The following VPS41 variants were observed in gnomAD, a reference collection of about 807,000 sequenced individuals.
VPS41 encodes VPS41 subunit of HOPS complex.
Under a neutral mutation model 130.9 loss-of-function variants are expected in VPS41, and 85 were observed. The observed-to-expected ratio is 0.65, with a 90% CI of 0.55 to 0.78. The LOEUF (loss-of-function observed/expected upper bound fraction) is 0.78, where lower values mean the gene tolerates loss of function less well. Among genes scored for constraint, VPS41 ranks in the 30% least tolerant of loss-of-function variants. VPS41 has a pLI of 0.00. For synonymous variants in VPS41, 335 were observed against 332.9 expected (o/e 1.01, Z -0.07); for missense variants, 874 against 1,018.7 (o/e 0.86, Z 1.93).
chr7:38,740,953 T>C lies in VPS41; in HGVS notation c.2259+1032A>G, dbSNP rs538208038. Among the ~76,000 whole-genome samples the C allele has an allele frequency of 2.0e-5, 3 of 152,328 alleles. No individual in the cohort carries two copies. The East Asian group carries it at 5.8e-4, about 29-fold the overall frequency. ...CATGACTCCGCTTCAGAAACATTAA[T>C]GACATCACACTCTCTGGCACAACCT... On this transcript the variant is annotated intron_variant, in intron 25 of 28. Transcript: ENST00000310301.
intron 1 of VPS41, among the ~76,000 whole-genome samples, chr7:38,905,028 A>T (rs890913194): frequency 2.1e-4 from 32 of 152,212 alleles, no homozygotes; most frequent in African/African-American, 7.5e-4. Context: ...TTAATAACTT[A>T]AAAAAGGTGC....
chr7:38,771,809 A>G (rs1784158086), intron 13 of VPS41, among the ~76,000 whole-genome samples: 2 of 152,146 alleles, frequency 1.3e-5, no homozygotes, highest in Non-Finnish European at 1.5e-5. Context: ...TTTCTTTGAG[A>G]AACTACTGGA....
At chr7:38,871,927 C>A (rs1007415389) in intron 2 of VPS41, among the ~76,000 whole-genome samples, 3 of 152,126 alleles carry the variant, frequency 2.0e-5, no homozygotes, top group Admixed American at 6.5e-5. Context: ...TTCCAAGTAG[C>A]TAAGACTACA....
intron 24 of VPS41, 112 bp downstream of exon 24, chr7:38,743,290 G>A: frequency 1.7e-6 from 2 of 1,193,370 alleles, no homozygotes; most frequent in Middle Eastern, 2.2e-4. Flanking sequence ...TTTATTGTAG[G>A]TACGCTACCA....
At chr7:38,779,006 T>C (rs1784311235) in intron 10 of VPS41, among the ~76,000 whole-genome samples, 1 of 152,260 alleles carries the variant, frequency 6.6e-6, no homozygotes. Flanking sequence ...GAAAATTTCC[T>C]GTTCTCTAAT....
intron 2 of VPS41, among the ~76,000 whole-genome samples, chr7:38,887,465 G>A (rs1298031224): frequency 6.6e-6 from 1 of 152,148 alleles, no homozygotes. Context: ...AAAGCAAGAA[G>A]ACAAGATTAG....
At chr7:38,794,042 T>C (rs973394938) in intron 9 of VPS41, among the ~76,000 whole-genome samples, 1 of 152,216 alleles carries the variant, frequency 6.6e-6, no homozygotes, top group Non-Finnish European at 1.5e-5. Flanking sequence ...TTATTCAGCA[T>C]ACCAGAGAAA....
rs529808594 is a variant in VPS41 at position 38,846,961 on chromosome 7, G to C, written c.246+15584C>G. ...TCTGGAAACACAGTCTTTGCAACTAGGCAAAGTATGACTTTTTCTTGGGCC... is the reference window on the plus strand; with the variant it reads ...TCTGGAAACACAGTCTTTGCAACTACGCAAAGTATGACTTTTTCTTGGGCC... On this transcript the variant is annotated intron_variant, in intron 4 of 28. Transcript: ENST00000310301. 2.8e-5 allele frequency among the ~76,000 whole-genome samples: 4 copies of C among 142,432 alleles called. No individual in the cohort carries two copies. The East Asian group carries it at 7.9e-4, about 28-fold the overall frequency. 93.4% of individuals were successfully genotyped at this position (142,432 alleles called of 152,430 possible).
At chr7:38,746,882 C>T (rs559142404) in intron 22 of VPS41, among the ~76,000 whole-genome samples, 23 of 152,118 alleles carry the variant, frequency 1.5e-4, no homozygotes, top group Non-Finnish European at 1.5e-4. Context: ...CACTACCTTA[C>T]GTCATGAGGT....
chr7:38,897,371 C>T (rs182953367), intron 2 of VPS41, among the ~76,000 whole-genome samples: 147 of 151,614 alleles, frequency 9.7e-4, no homozygotes, highest in African/African-American at 3.4e-3. Context: ...CCAGGCCGGG[C>T]GCGGTGGCTC....
At chr7:38,730,844 T>A (rs1158667616) in intron 25 of VPS41, among the ~76,000 whole-genome samples, 1 of 152,108 alleles carries the variant, frequency 6.6e-6, no homozygotes, top group Non-Finnish European at 1.5e-5. Flanking sequence ...ATGGCATGAA[T>A]TATATAAGAG....
intron 1 of VPS41, among the ~76,000 whole-genome samples, chr7:38,902,022 C>T (rs1370793172): frequency 3.3e-5 from 5 of 152,124 alleles, no homozygotes; most frequent in Admixed American, 2.0e-4. Context: ...TTCTGGGTAA[C>T]GGATTGACAG....
At chr7:38,829,702 G>A (rs565145186) in intron 5 of VPS41, among the ~76,000 whole-genome samples, 2 of 152,312 alleles carry the variant, frequency 1.3e-5, no homozygotes, top group East Asian at 1.9e-4. Context: ...GTCCTTGGTC[G>A]AGGAAGTAGG....
intron 4 of VPS41, among the ~76,000 whole-genome samples, chr7:38,850,396 A>C (rs1785828277): frequency 6.6e-6 from 1 of 152,188 alleles, no homozygotes; most frequent in African/African-American, 2.4e-5. Context: ...GGTTTTCCTT[A>C]TGGATCTGTA....
intron 2 of VPS41, 124 bp downstream of exon 2, chr7:38,897,958 CCCAAGGCTT>C: frequency 3.1e-6 from 2 of 643,600 alleles, no homozygotes; most frequent in Non-Finnish European, 5.3e-6. Flanking sequence ...AAAGCTCTTC[CCCAAGGCTT>C]AGTTACCTAT....
intron 11 of VPS41, among the ~76,000 whole-genome samples, chr7:38,774,694 A>G (rs548570418): frequency 7.9e-5 from 12 of 152,332 alleles, no homozygotes; most frequent in African/African-American, 2.9e-4. Flanking sequence ...AGGCTCTTTT[A>G]TATGTATAAG....
At chr7:38,861,509 A>G (rs1253487709) in intron 4 of VPS41, among the ~76,000 whole-genome samples, 4 of 152,190 alleles carry the variant, frequency 2.6e-5, no homozygotes, top group Non-Finnish European at 5.9e-5. Flanking sequence ...CATGAGTATG[A>G]TTAGAGCACA....
chr7:38,754,733 T>G lies in VPS41; in HGVS notation c.1757A>C (p.Glu586Ala). The G allele has an allele frequency of 1.2e-6, 2 of 1,613,614 alleles. No homozygotes were observed. The highest frequency in any genetic ancestry group is 1.7e-6 in the Non-Finnish European group (2 of 1,179,716). Residue 586 changes from glutamate (E) to alanine (A), a missense_variant, in exon 21 of 29, where the codon GAA becomes GCA. Transcript: ENST00000310301. ...DKISIKKVVEELEDRPELQHV... is the reference protein window; with the variant it reads ...DKISIKKVVEALEDRPELQHV... Reference sequence around the variant, plus strand: ...CTGTAGCTCTGGTCTGTCTTCCAATTCTTCCACTACCTTTTTAATCTAGAT... The same window carrying G: ...CTGTAGCTCTGGTCTGTCTTCCAATGCTTCCACTACCTTTTTAATCTAGAT...
chr7:38,898,034 C>T, intron 2 of VPS41, 57 bp downstream of exon 2: 5 of 1,541,658 alleles, frequency 3.2e-6, no homozygotes, highest in Non-Finnish European at 3.6e-6. Context: ...AGAAGCGCAA[C>T]TCAAGAGAAC....
Sources: gnomAD v4.1 joint callset for allele counts (sites outside exome capture counted in the v4.1 genomes callset) on GRCh38, gnomAD v4.1.1 for gene constraint, MANE v1.5 for transcripts, NCBI Gene and HGNC (gene_info 2026-07-23, HGNC 2026-07-21) for gene names.